Variants in RPS6KA2 observed in about 807,000 individuals in gnomAD.
RPS6KA2 encodes ribosomal protein S6 kinase A2.
Under a neutral mutation model 91.8 loss-of-function variants are expected in RPS6KA2, and 42 were observed. The observed-to-expected ratio is 0.46, with a 90% CI of 0.36 to 0.59. The LOEUF (loss-of-function observed/expected upper bound fraction) is 0.59, where lower values mean the gene tolerates loss of function less well. Among genes scored for constraint, RPS6KA2 ranks in the 20% least tolerant of loss-of-function variants. The pLI is 0.00. For missense variants in RPS6KA2, 798 were observed against 978.5 expected, an observed-to-expected ratio of 0.82 and a Z score of 2.46; for synonymous variants, 414 against 393.6, an observed-to-expected ratio of 1.05 and a Z score of -0.61.
intron 2 of RPS6KA2, among the ~76,000 whole-genome samples, chr6:166,762,284 CTT>C (rs1778194720): frequency 6.6e-6 from 1 of 152,186 alleles, no homozygotes; most frequent in Admixed American, 6.5e-5. Flanking sequence ...CATGGCCTCT[CTT>C]TACCGCTCAG....
intron 2 of RPS6KA2, among the ~76,000 whole-genome samples, chr6:166,721,763 C>T (rs1439409068): frequency 1.3e-5 from 2 of 152,072 alleles, no homozygotes. Flanking sequence ...CAGAAGCTCC[C>T]GCCCCACCTT....
intron 17 of RPS6KA2, among the ~76,000 whole-genome samples, chr6:166,421,719 G>A (rs528317898): frequency 2.0e-4 from 30 of 152,286 alleles, no homozygotes; most frequent in African/African-American, 6.0e-4. Context: ...TAAATGAGAA[G>A]ATGTGTGTTA....
At chr6:166,609,414 C>T (rs775762885) in intron 1 of RPS6KA2, among the ~76,000 whole-genome samples, 29 of 152,120 alleles carry the variant, frequency 1.9e-4, no homozygotes, top group Non-Finnish European at 3.5e-4. Context: ...GTTAAAATTG[C>T]TATAGCTACC....
At chr6:166,427,130 T>C (rs1369296737) in intron 16 of RPS6KA2, among the ~76,000 whole-genome samples, 13 of 151,686 alleles carry the variant, frequency 8.6e-5, no homozygotes, top group African/African-American at 3.2e-4. Flanking sequence ...ATCCCTGGGA[T>C]GCAAGGCTGG....
intron 2 of RPS6KA2, among the ~76,000 whole-genome samples, chr6:166,761,724 G>A (rs1778175259): frequency 6.6e-6 from 1 of 152,200 alleles, no homozygotes; most frequent in Non-Finnish European, 1.5e-5. Context: ...GATGATTTTA[G>A]CCTGTGTTGA....
At chr6:166,651,679 A>G (rs1446538362) in intron 2 of RPS6KA2, among the ~76,000 whole-genome samples, 1 of 152,230 alleles carries the variant, frequency 6.6e-6, no homozygotes, top group East Asian at 1.9e-4. Context: ...GAATCCTTAA[A>G]GAGGACAGCA....
chr6:166,798,150 G>C (rs1320685537), intron 2 of RPS6KA2, among the ~76,000 whole-genome samples: 1 of 152,114 alleles, frequency 6.6e-6, no homozygotes, highest in African/African-American at 2.4e-5. Flanking sequence ...TTATCCCATG[G>C]TAATTAAAAC....
intron 16 of RPS6KA2, among the ~76,000 whole-genome samples, chr6:166,430,162 G>A (rs959537383): frequency 5.3e-5 from 8 of 151,930 alleles, no homozygotes; most frequent in African/African-American, 1.9e-4. Context: ...TAGAGACAGG[G>A]TTTCACCATG....
At chr6:166,591,195 C>T (rs571118418) in intron 1 of RPS6KA2, among the ~76,000 whole-genome samples, 2 of 152,338 alleles carry the variant, frequency 1.3e-5, no homozygotes, top group East Asian at 1.9e-4. Flanking sequence ...TGCAAGGACT[C>T]AGCAAACACA....
intron 2 of RPS6KA2, among the ~76,000 whole-genome samples, chr6:166,838,377 G>A (rs932037894): frequency 6.6e-6 from 1 of 152,164 alleles, no homozygotes; most frequent in African/African-American, 2.4e-5. Context: ...TGTGCTTATG[G>A]AGGAAAATGT....
chr6:166,595,060 GT>G (rs56360560), intron 1 of RPS6KA2, among the ~76,000 whole-genome samples: 3 of 149,658 alleles, frequency 2.0e-5, no homozygotes, highest in African/African-American at 7.4e-5. Context: ...ATTTTTTTTT[GT>G]TTTTTTTTGA....
intron 2 of RPS6KA2, among the ~76,000 whole-genome samples, chr6:166,843,198 C>T (rs1026559105): frequency 1.3e-5 from 2 of 152,156 alleles, no homozygotes; most frequent in African/African-American, 4.8e-5. Flanking sequence ...ATCACACCCC[C>T]ATCCCCCACA....
In RPS6KA2 at chr6:166,626,028, G is replaced by A. The variant is rs1786859341; in HGVS notation, c.99+893C>T. On this transcript the variant is annotated intron_variant, in intron 1 of 20. Coordinates refer to ENST00000265678, the MANE Select transcript of RPS6KA2 (RefSeq NM_021135.6). This position sits in a 1 kb window ranked among gnomAD's most constrained non-coding sequence, Gnocchi z 4.1. ...AAACAAACCAACCAAAACCCCACAG[G>A]TGCCAGCCTTGAGGCAAAGGCGGGA... Among the ~76,000 whole-genome samples, 1 of 152,296 alleles carries A rather than the reference G, an allele frequency of 6.6e-6. No homozygotes were observed. The highest frequency in any genetic ancestry group is 1.9e-4 in the East Asian group (1 of 5,196).
At chr6:166,776,642 T>C (rs975289555) in intron 2 of RPS6KA2, among the ~76,000 whole-genome samples, 2 of 152,194 alleles carry the variant, frequency 1.3e-5, no homozygotes, top group South Asian at 4.1e-4. Context: ...GGGCATTTGG[T>C]ATAGACAGAA....
At chr6:166,572,636 C>T (rs1784723099) in intron 1 of RPS6KA2, among the ~76,000 whole-genome samples, 1 of 152,240 alleles carries the variant, frequency 6.6e-6, no homozygotes, top group South Asian at 2.1e-4. Context: ...CCTCCACGCT[C>T]CACTGGTCAT....
chr6:166,473,692 C>A (rs1441489057), intron 10 of RPS6KA2, among the ~76,000 whole-genome samples: 1 of 152,096 alleles, frequency 6.6e-6, no homozygotes, highest in Non-Finnish European at 1.5e-5. Context: ...TTTGGGACTC[C>A]TTTGCAATAT....
intron 1 of RPS6KA2, among the ~76,000 whole-genome samples, chr6:166,625,950 T>C (rs772484146): frequency 2.0e-5 from 3 of 152,202 alleles, no homozygotes; most frequent in Non-Finnish European, 4.4e-5. Flanking sequence ...TCTAATATCA[T>C]GGCAGCTGGG....
chr6:166,768,223 T>C (rs112878100), intron 2 of RPS6KA2, among the ~76,000 whole-genome samples: 3 of 152,090 alleles, frequency 2.0e-5, no homozygotes, highest in African/African-American at 7.2e-5. Context: ...CTGGTTGAGG[T>C]TGGGTATGGA....
At chr6:166,415,942 C>T (rs920154674) in intron 19 of RPS6KA2, among the ~76,000 whole-genome samples, 6 of 149,492 alleles carry the variant, frequency 4.0e-5, no homozygotes, top group Admixed American at 3.3e-4. Context: ...CCATTACCCT[C>T]ACCACAATCA....
Sources: gnomAD v4.1 joint callset for allele counts (sites outside exome capture counted in the v4.1 genomes callset) on GRCh38, gnomAD v4.1.1 for gene constraint, Gnocchi (gnomAD v3.1) non-coding constraint, MANE v1.5 for transcripts, NCBI Gene and HGNC (gene_info 2026-07-23, HGNC 2026-07-21) for gene names.